SLIT1: variants seen among roughly 807,000 people sequenced by gnomAD.
SLIT1 encodes the protein slit guidance ligand 1.
In SLIT1, 66 loss-of-function variants were observed where a neutral mutation model predicts 186.1. The ratio of observed to expected loss-of-function variants is 0.35; its 90% confidence interval spans 0.29 to 0.44. The LOEUF is 0.44. SLIT1 is among the 20% of genes least tolerant of loss of function. SLIT1 has a pLI of 1.00. For missense variants in SLIT1, 1,638 were observed against 2,037.4 expected, an observed-to-expected ratio of 0.80 and a Z score of 3.77; for synonymous variants, 761 against 833.8, an observed-to-expected ratio of 0.91 and a Z score of 1.50.
chr10:97,002,485 A>C (rs1589359132), intron 35 of SLIT1, 116 bp from the exon 36 acceptor site: 3 of 818,508 alleles, frequency 3.7e-6, no homozygotes, highest in Non-Finnish European at 5.6e-6. Flanking sequence ...CAGGTCTTTA[A>C]TCTGTTCCCA....
At chr10:97,126,175 T>C (rs779032109) in intron 4 of SLIT1, among the ~76,000 whole-genome samples, 2 of 152,242 alleles carry the variant, frequency 1.3e-5, no homozygotes, top group African/African-American at 4.8e-5. Flanking sequence ...AACTTTCCGA[T>C]GTGAAGGTTC....
At chr10:97,108,633 G>A (rs944419488) in intron 4 of SLIT1, among the ~76,000 whole-genome samples, 4 of 152,118 alleles carry the variant, frequency 2.6e-5, no homozygotes, top group Non-Finnish European at 5.9e-5. Flanking sequence ...GCTCATGCCT[G>A]TAATCCCAGC....
chr10:97,028,921 C>G (rs1358676132), intron 25 of SLIT1, among the ~76,000 whole-genome samples: 13 of 152,204 alleles, frequency 8.5e-5, no homozygotes, highest in Admixed American at 8.5e-4. Context: ...CCACCTGAGG[C>G]AGAGCCCCTT....
intron 1 of SLIT1, among the ~76,000 whole-genome samples, chr10:97,178,632 G>A (rs779859734): frequency 2.0e-5 from 3 of 152,284 alleles, no homozygotes; most frequent in South Asian, 2.1e-4. Context: ...GTTTTGCACC[G>A]ATGTTTAATT....
chr10:97,129,463 C>A (rs1259017695), intron 4 of SLIT1, among the ~76,000 whole-genome samples: 1 of 152,052 alleles, frequency 6.6e-6, no homozygotes, highest in Non-Finnish European at 1.5e-5. Flanking sequence ...ATGTAAAGTA[C>A]CCATCACAGT....
intron 4 of SLIT1, among the ~76,000 whole-genome samples, chr10:97,127,163 C>T (rs1037017843): frequency 2.0e-5 from 3 of 151,712 alleles, no homozygotes; most frequent in African/African-American, 4.8e-5. Flanking sequence ...GGCATGGTGG[C>T]GGGCGCCTGT....
At chr10:97,146,290 G>T (rs1030326437) in intron 4 of SLIT1, among the ~76,000 whole-genome samples, 1 of 152,156 alleles carries the variant, frequency 6.6e-6, no homozygotes, top group Non-Finnish European at 1.5e-5. Flanking sequence ...CCTGGGTCAC[G>T]GCTTAAGGGA....
chr10:97,054,418 T>C (rs74153755), intron 13 of SLIT1, among the ~76,000 whole-genome samples: 1,621 of 152,164 alleles, frequency 0.011, 27 homozygotes, highest in African/African-American at 0.035. Context: ...TAAACCTCTT[T>C]TCTTTATAGA....
chr10:97,056,450 T>C lies in SLIT1; in HGVS notation c.1172A>G (p.Asn391Ser). Residue 391 changes from asparagine to serine, a missense_variant, in exon 13 of 37, where the codon AAC (asparagine) becomes AGC (serine). This residue lies in a region of SLIT1 where 1,245 missense variants were observed against 1,535.3 expected (regional missense o/e 0.81). Transcript: ENST00000266058. ...YTLQLLLLNA[N>S]KINCIRPDAF... ...ATCGGGCCGGATGCAGTTGATCTTG[T>C]TGGCATTCAGGAGCCTGTGGGCAGA... The C allele has an allele frequency of 6.2e-7, 1 of 1,614,120 alleles. No homozygotes were observed. The highest frequency in any genetic ancestry group is 8.5e-7 in the Non-Finnish European group (1 of 1,179,994).
chr10:97,037,460 G>A (rs1381917828), intron 22 of SLIT1, among the ~76,000 whole-genome samples: 1 of 152,112 alleles, frequency 6.6e-6, no homozygotes, highest in African/African-American at 2.4e-5. Context: ...TGGGGAGACG[G>A]CGTGGGCAGG....
chr10:97,001,995 A>G (rs918833970), intron 36 of SLIT1, among the ~76,000 whole-genome samples, 163 bp downstream of exon 36: 2 of 152,150 alleles, frequency 1.3e-5, no homozygotes, highest in Admixed American at 1.3e-4. Context: ...AGAGATTGGG[A>G]GCAGTGCCCA....
chr10:97,053,966 C>T (rs2817671), intron 13 of SLIT1, among the ~76,000 whole-genome samples: 145,710 of 152,148 alleles, frequency 0.96, 70,121 homozygotes, highest in East Asian at 1. Context: ...GGTGTTTGGT[C>T]GAATTTGTAT....
chr10:97,035,322 C>A (rs1302093309), intron 22 of SLIT1, among the ~76,000 whole-genome samples: 1 of 152,072 alleles, frequency 6.6e-6, no homozygotes, highest in Non-Finnish European at 1.5e-5. Context: ...TGACAGTGCC[C>A]CCCTCCCCAT....
intron 14 of SLIT1, 123 bp from the exon 15 acceptor site, chr10:97,048,119 C>T: frequency 9.5e-7 from 1 of 1,052,280 alleles, no homozygotes; most frequent in Non-Finnish European, 1.5e-6. Flanking sequence ...CCCATCTGCC[C>T]AGTCCCTGTG....
At position 97,021,485 on chromosome 10, in the gene SLIT1, C is replaced by T. The variant is rs1302921713; in HGVS notation, c.2583-72G>A. On this transcript the variant is annotated intron_variant, in intron 25 of 36. Coordinates refer to ENST00000266058, the MANE Select transcript of SLIT1 (RefSeq NM_003061.3). This position sits in a 1 kb window ranked among gnomAD's most constrained non-coding sequence, Gnocchi z 4.5. ...CCTCGCCCACTGGGAACCTAGAGTC[C>T]CAGGCACTGCACCAGGGGCTGGCAA... The T allele has an allele frequency of 1.4e-5, 20 of 1,450,770 alleles. No homozygotes were observed. Among genetic ancestry groups the T allele is most frequent in the Admixed American group, 9.9e-5 (5 of 50,696 alleles). 89.9% of individuals were successfully genotyped at this position (1,450,770 alleles called of 1,614,324 possible). A position where few individuals can be genotyped will look rare whatever the true frequency, so the allele number is the denominator to read the frequency against.
At chr10:97,171,862 G>A (rs1850193873) in intron 1 of SLIT1, among the ~76,000 whole-genome samples, 1 of 151,518 alleles carries the variant, frequency 6.6e-6, no homozygotes, top group South Asian at 2.1e-4. Flanking sequence ...AAGTTCCCGA[G>A]TGGCCTGCTC....
At chr10:97,143,765 G>A (rs543847394) in intron 4 of SLIT1, among the ~76,000 whole-genome samples, 2 of 152,280 alleles carry the variant, frequency 1.3e-5, no homozygotes, top group South Asian at 4.1e-4. Context: ...GAACATTAAT[G>A]CTTCATTTAC....
chr10:97,054,148 T>G (rs1445272648), intron 13 of SLIT1, among the ~76,000 whole-genome samples: 1 of 148,404 alleles, frequency 6.7e-6, no homozygotes, highest in Non-Finnish European at 1.5e-5. Context: ...GAAGCAAGAC[T>G]AGGCATAAGA....
At chr10:97,099,434 G>C (rs146892160) in intron 4 of SLIT1, among the ~76,000 whole-genome samples, 1 of 149,374 alleles carries the variant, frequency 6.7e-6, no homozygotes, top group South Asian at 2.3e-4. Context: ...ATTGCACAAA[G>C]AGAAAAAGAC....
Sources: gnomAD v4.1 joint callset for allele counts (sites outside exome capture counted in the v4.1 genomes callset) on GRCh38, gnomAD v4.1.1 for gene constraint, gnomAD v4.1.1 regional missense constraint, Gnocchi (gnomAD v3.1) non-coding constraint, MANE v1.5 for transcripts, NCBI Gene and HGNC (gene_info 2026-07-23, HGNC 2026-07-21) for gene names.